The following ZKSCAN2 variants were observed in gnomAD, a reference collection of about 807,000 sequenced individuals.
The protein encoded by ZKSCAN2 is zinc finger protein with KRAB and SCAN domains 2.
ZKSCAN2 carries 38 observed loss-of-function variants against 90.5 expected under a neutral mutation model. That is an observed-to-expected ratio of 0.42 (90% CI 0.32 to 0.55). The LOEUF (loss-of-function observed/expected upper bound fraction) is 0.55, where lower values mean the gene tolerates loss of function less well. Among genes scored for constraint, ZKSCAN2 ranks in the 20% least tolerant of loss-of-function variants. The probability of loss-of-function intolerance (pLI) is 0.11; values close to 1 mark genes in which losing one functional copy is unlikely to be tolerated. For synonymous variants in ZKSCAN2, 429 were observed against 421.6 expected (o/e 1.02, Z -0.22); for missense variants, 1,167 against 1,202.6 (o/e 0.97, Z 0.44).
rs996307211 is a variant in ZKSCAN2, at chr16:25,257,224, G to T, written c.-97C>A. 1.3e-6 allele frequency: 2 copies of T among 1,500,104 alleles called. No individual in the cohort carries two copies. Among genetic ancestry groups the T allele is most frequent in the Middle Eastern group, 3.8e-4 (2 of 5,316 alleles). 92.9% of individuals were successfully genotyped at this position (1,500,104 alleles called of 1,614,324 possible). The stretch of plus-strand genomic sequence containing the variant: ...CTTAATGTTCCTGGGAGTGTGATAA[G>T]GTACGGAGGTAAAAACGGCCAGGTC... On this transcript the variant is annotated 5_prime_UTR_variant, in exon 1 of 7. Coordinates refer to ENST00000328086, the MANE Select transcript of ZKSCAN2 (RefSeq NM_001012981.5).
At chr16:25,250,300 CTG>C (rs1182835978) in intron 4 of ZKSCAN2, among the ~76,000 whole-genome samples, 1 of 151,676 alleles carries the variant, frequency 6.6e-6, no homozygotes, top group African/African-American at 2.4e-5. Flanking sequence ...GAGCAAAACT[CTG>C]TCTCAAAAAA....
In ZKSCAN2 at chr16:25,236,657, C is replaced by T. The variant is rs1017705490; in HGVS notation, c.*3159G>A. ...GCTTCCAGTCTCATGCTCATTCCAC[C>T]AAGGCCAGGCTGCCCTGAGCCATTT... is the stretch of plus-strand genomic sequence containing the variant. On this transcript the variant is annotated 3_prime_UTR_variant, in exon 7 of 7. Coordinates refer to ENST00000328086, the MANE Select transcript of ZKSCAN2 (RefSeq NM_001012981.5). The T allele has an allele frequency of 3.9e-5, 6 of 152,206 alleles. No homozygotes were observed. Among genetic ancestry groups the T allele is most frequent in the Admixed American group, 1.3e-4 (2 of 15,274 alleles). The allele number at this position is 152,206 out of a possible 1,614,324, so 9.4% of individuals were successfully genotyped here. A position where few individuals can be genotyped will look rare whatever the true frequency, so the allele number is the denominator to read the frequency against.
intron 5 of ZKSCAN2, among the ~76,000 whole-genome samples, chr16:25,245,828 C>T (rs116677541): frequency 0.021 from 3,154 of 150,852 alleles, 123 homozygotes; most frequent in African/African-American, 0.072. Flanking sequence ...TTACTAATAA[C>T]AGTGATACCA....
rs1001749077 is a variant in ZKSCAN2, at chr16:25,256,612, T to C, written c.399+117A>G. On this transcript the variant is annotated intron_variant, in intron 1 of 6. Coordinates refer to ENST00000328086, the MANE Select transcript of ZKSCAN2 (RefSeq NM_001012981.5). ...TGAAAAGACCCCCTTATAGGGTCTTTTATTAGTACCATTTATCTTTCTCTG... is the reference window on the plus strand; with the variant it reads ...TGAAAAGACCCCCTTATAGGGTCTTCTATTAGTACCATTTATCTTTCTCTG... 8.4e-6 allele frequency: 10 copies of C among 1,184,778 alleles called. No individual in the cohort carries two copies. The African/African-American group carries it at 1.4e-4, about 16-fold the overall frequency. 73.4% of individuals were successfully genotyped at this position (1,184,778 alleles called of 1,614,324 possible).
chr16:25,252,163 C>T lies in ZKSCAN2; in HGVS notation c.679-128G>A, dbSNP rs2141369025. 1.7e-5 allele frequency: 17 copies of T among 1,004,856 alleles called. No individual in the cohort carries two copies. In the South Asian group the frequency reaches 2.7e-4, roughly 16 times the overall value. 62.2% of individuals were successfully genotyped at this position (1,004,856 alleles called of 1,614,324 possible). On this transcript the variant is annotated intron_variant, in intron 3 of 6. Coordinates refer to ENST00000328086, the MANE Select transcript of ZKSCAN2 (RefSeq NM_001012981.5). ...CAAGGAACAAGTGGATAGTTTGCGCCAAATGAAGCAGAAGAGAAAGAATCA... is the reference window on the plus strand; with the variant it reads ...CAAGGAACAAGTGGATAGTTTGCGCTAAATGAAGCAGAAGAGAAAGAATCA...
rs1962836267 is a variant in ZKSCAN2 at position 25,240,544 on chromosome 16, T to A, written c.2176A>T (p.Met726Leu). 6.2e-7 allele frequency: 1 copy of A among 1,614,080 alleles called. No homozygotes were observed. The highest frequency in any genetic ancestry group is 1.3e-5 in the African/African-American group (1 of 74,942). Residue 726 changes from methionine to leucine, a missense_variant, in exon 7 of 7, where the codon ATG (methionine) becomes TTG (leucine). Transcript: ENST00000328086. The part of the protein sequence containing the change: ...NLQGIRQGKP[M>L]SQPRDLGKAV... ...TTCCCTAAATCTCTAGGCTGAGACA[T>A]CGGCTTTCCCTGTCTAATTCCTTGA...
Position 25,256,863 on chromosome 16 carries a change from C to A in ZKSCAN2, c.265G>T (p.Val89Leu). Residue 89 changes from valine (V) to leucine (L), a missense_variant, in exon 1 of 7, where the codon GTG becomes TTG. Physicochemically the swap from Val to Leu is conservative, Grantham distance 32. Transcript: ENST00000328086. ...RSKEQILELL[V>L]IEQFLTILPE... ...AAAATGGTGAGAAACTGCTCAATCA[C>A]CAGCAGCTCAAGTATTTGCTCCTTG... is the stretch of plus-strand genomic sequence containing the variant. 1 of 1,614,248 alleles carries A rather than the reference C, an allele frequency of 6.2e-7. No individual in the cohort carries two copies. The highest frequency in any genetic ancestry group is 8.5e-7 in the Non-Finnish European group (1 of 1,180,044).
intron 6 of ZKSCAN2, among the ~76,000 whole-genome samples, chr16:25,242,887 G>C (rs929346020): frequency 6.6e-6 from 1 of 152,260 alleles, no homozygotes. Context: ...AATGGTAACT[G>C]AAGAGGGGAC....
At position 25,244,285 on chromosome 16, in the gene ZKSCAN2, T is replaced by G. The variant is rs540726705; in HGVS notation, c.1490-9A>C. On this transcript the variant is annotated splice_polypyrimidine_tract_variant and intron_variant, in intron 5 of 6. Coordinates refer to ENST00000328086, the MANE Select transcript of ZKSCAN2 (RefSeq NM_001012981.5). ...ATAGCCCCAGTGCACGCCTGCCATT[T>G]GGGGATAAAGTTCACAATGTAACAA... 6.2e-7 allele frequency: 1 copy of G among 1,608,148 alleles called. No individual in the cohort carries two copies. Among genetic ancestry groups the G allele is most frequent in the Non-Finnish European group, 8.5e-7 (1 of 1,176,330 alleles).
chr16:25,246,520 G>A (rs1962935340), intron 5 of ZKSCAN2, 187 bp downstream of exon 5: 2 of 629,260 alleles, frequency 3.2e-6, no homozygotes, highest in Non-Finnish European at 5.6e-6. Flanking sequence ...ACTTGGAGCT[G>A]TTACTCTGAC....
intron 1 of ZKSCAN2, among the ~76,000 whole-genome samples, chr16:25,256,123 G>A (rs145333744): frequency 6.6e-6 from 1 of 152,302 alleles, no homozygotes; most frequent in East Asian, 1.9e-4. Context: ...TCTGATGCAA[G>A]GTGAAACCGC....
intron 1 of ZKSCAN2, among the ~76,000 whole-genome samples, chr16:25,256,020 G>A (rs1026504042): frequency 6.6e-6 from 1 of 152,206 alleles, no homozygotes. Context: ...ATATACAGTA[G>A]TGAAATGAAA....
rs879877850 is a variant in ZKSCAN2 at position 25,243,801 on chromosome 16, T to G, written c.1965A>C (p.Leu655=). The change falls in exon 6 of 7, where the codon CTA becomes CTC. Residue 655 remains leucine (L), a synonymous_variant. Coordinates refer to ENST00000328086, the MANE Select transcript of ZKSCAN2 (RefSeq NM_001012981.5). ...GCACCTTACCATTTGGGCTCTGCAG[T>G]AGACCTGGAGGTCCCTGGAACTCTG... ...QEPEFQGPPG[L]LQSPNDFEIG... is the part of the protein sequence containing the mutation. 2.0e-6 allele frequency: 3 copies of G among 1,480,900 alleles called. No homozygotes were observed. Among genetic ancestry groups the G allele is most frequent in the Non-Finnish European group, 2.7e-6 (3 of 1,098,736 alleles). The allele number at this position is 1,480,900 out of a possible 1,614,324, so 91.7% of individuals were successfully genotyped here.
In ZKSCAN2 at chr16:25,237,139, A is replaced by G. The variant is rs1028258555; in HGVS notation, c.*2677T>C. 2.6e-5 allele frequency: 4 copies of G among 152,558 alleles called. No homozygotes were observed. Among genetic ancestry groups the G allele is most frequent in the African/African-American group, 7.2e-5 (3 of 41,462 alleles). 9.5% of individuals were successfully genotyped at this position (152,558 alleles called of 1,614,324 possible). A position where few individuals can be genotyped will look rare whatever the true frequency, so the allele number is the denominator to read the frequency against. Reference sequence around the variant, plus strand: ...TCCTTGGCACTGAGATCTAGATAAAAAAACCTTTTTCTATGAATCTTCATA... The same window carrying G: ...TCCTTGGCACTGAGATCTAGATAAAGAAACCTTTTTCTATGAATCTTCATA... On this transcript the variant is annotated 3_prime_UTR_variant, in exon 7 of 7. Transcript: ENST00000328086.
In ZKSCAN2 at chr16:25,240,523, C is replaced by G; in HGVS notation, c.2197G>C (p.Gly733Arg). The change falls in exon 7 of 7, where the codon GGG becomes CGG. Residue 733 changes from glycine (G) to arginine (R), a missense_variant. Gly to Arg is a moderately radical substitution (Grantham distance 125). Transcript: ENST00000328086. ...GGCCTCTGATGCACAACGGCTTTCC[C>G]TAAATCTCTAGGCTGAGACATCGGC... ...GKPMSQPRDLGKAVVHQRPFV... is the reference protein window; with the variant it reads ...GKPMSQPRDLRKAVVHQRPFV... 6.2e-7 allele frequency: 1 copy of G among 1,614,176 alleles called. No individual in the cohort carries two copies. The highest frequency in any genetic ancestry group is 8.5e-7 in the Non-Finnish European group (1 of 1,180,028).
At chr16:25,240,807 A>C in intron 6 of ZKSCAN2, 69 bp from the exon 7 acceptor site, 1 of 1,343,550 alleles carries the variant, frequency 7.4e-7, no homozygotes, top group Non-Finnish European at 1.0e-6. Context: ...CTGGCTTGCA[A>C]GGCTTGATCC....
rs199951945 is a variant in ZKSCAN2 at position 25,256,933 on chromosome 16, T to C, written c.195A>G (p.Lys65=). 123 of 1,614,020 alleles carry C rather than the reference T, an allele frequency of 7.6e-5. No homozygotes were observed. The highest frequency in any genetic ancestry group is 9.7e-5 in the Non-Finnish European group (115 of 1,180,000). ...GCCACCGGCAGCAAAGTTCCCAGAG[T>C]TTACTGAAAGCTTCATGGGGTCCAG... ...DVTGPHEAFS[K]LWELCCRWLK... is the part of the protein sequence containing the mutation. Residue 65 remains lysine, a synonymous_variant, in exon 1 of 7, where the codon AAA becomes AAG. Transcript: ENST00000328086.
chr16:25,251,586 G>A (rs982593023), intron 4 of ZKSCAN2, among the ~76,000 whole-genome samples: 1 of 152,148 alleles, frequency 6.6e-6, no homozygotes, highest in African/African-American at 2.4e-5. Flanking sequence ...ACTTTACTTT[G>A]ACCAGGGGAA....
intron 3 of ZKSCAN2, among the ~76,000 whole-genome samples, chr16:25,252,631 C>T (rs73553142): frequency 0.11 from 17,081 of 151,988 alleles, 1,392 homozygotes; most frequent in African/African-American, 0.22. Context: ...AAGATAATTA[C>T]GGCAGGGCAT....
Sources: allele counts gnomAD v4.1 joint callset (sites outside exome capture counted in the v4.1 genomes callset), GRCh38; gene constraint gnomAD v4.1.1; transcripts MANE v1.5; gene names NCBI Gene and HGNC (gene_info 2026-07-23, HGNC 2026-07-21).